The following PLCL1 variants were observed in gnomAD, a reference collection of about 807,000 sequenced individuals.
PLCL1 encodes the protein phospholipase C like 1 (inactive).
Under a neutral mutation model 84.4 loss-of-function variants are expected in PLCL1, and 41 were observed. That is an observed-to-expected ratio of 0.49 (90% CI 0.38 to 0.63). The LOEUF is 0.63. Among genes scored for constraint, PLCL1 ranks in the 30% least tolerant of loss-of-function variants. The pLI, the probability that PLCL1 is intolerant of heterozygous loss-of-function variation, is 0.00. For missense variants in PLCL1, 1,206 were observed against 1,367.8 expected (o/e 0.88, Z 1.87); for synonymous variants, 490 against 488.3 (o/e 1.00, Z -0.05).
At chr2:197,904,370 T>C (rs1318569298) in intron 1 of PLCL1, among the ~76,000 whole-genome samples, 1 of 152,214 alleles carries the variant, frequency 6.6e-6, no homozygotes, top group Non-Finnish European at 1.5e-5. Context: ...CATGTACTTG[T>C]ATTCTTTTTG....
At chr2:198,134,667 G>A (rs1026311745) in intron 5 of PLCL1, among the ~76,000 whole-genome samples, 1 of 152,134 alleles carries the variant, frequency 6.6e-6, no homozygotes, top group African/African-American at 2.4e-5. Flanking sequence ...AAGAATAAAT[G>A]TCCTTGGTAA....
chr2:197,929,839 C>CT (rs1249678066), intron 1 of PLCL1, among the ~76,000 whole-genome samples: 25 of 152,114 alleles, frequency 1.6e-4, no homozygotes, highest in African/African-American at 5.3e-4. Flanking sequence ...TTTATCTACT[C>CT]TATCAGTGTG....
At chr2:198,006,207 T>C (rs1690725572) in intron 1 of PLCL1, among the ~76,000 whole-genome samples, 1 of 152,210 alleles carries the variant, frequency 6.6e-6, no homozygotes, top group South Asian at 2.1e-4. Context: ...TGTGATGTTT[T>C]GATGCAGAAG....
chr2:197,998,603 C>T (rs563605365), intron 1 of PLCL1, among the ~76,000 whole-genome samples: 5 of 152,256 alleles, frequency 3.3e-5, no homozygotes, highest in African/African-American at 7.2e-5. Flanking sequence ...GGACTGATGA[C>T]GCTGCATCAG....
Position 198,045,895 on chromosome 2 carries a change from G to A in PLCL1, c.241-37863G>A, listed in dbSNP as rs376916351. ...AAGTGAGCCCTAACAGGGTACACAT[G>A]TACCATTTTATTTGACAGAGATCTT... On this transcript the variant is annotated intron_variant, in intron 1 of 5. Transcript: ENST00000428675. Among the ~76,000 whole-genome samples, 53 of 152,316 alleles carry A rather than the reference G, an allele frequency of 3.5e-4. 1 individual carries two copies. Among genetic ancestry groups the A allele is most frequent in the African/African-American group, 1.2e-3 (50 of 41,558 alleles).
intron 1 of PLCL1, among the ~76,000 whole-genome samples, chr2:197,912,951 TA>T (rs1334990429): frequency 1.2e-3 from 132 of 110,532 alleles, no homozygotes; most frequent in African/African-American, 3.0e-3. Context: ...TACAGTATAA[TA>T]AAAAAAAATT....
chr2:197,857,139 T>C (rs190190597), intron 1 of PLCL1, among the ~76,000 whole-genome samples: 1 of 151,934 alleles, frequency 6.6e-6, no homozygotes, highest in African/African-American at 2.4e-5. Flanking sequence ...GAACTTAAGA[T>C]AAAAGTTGGA....
chr2:197,931,647 T>TCCAACCAACCAA (rs1229606567), intron 1 of PLCL1, among the ~76,000 whole-genome samples: 1 of 145,818 alleles, frequency 6.9e-6, no homozygotes, highest in African/African-American at 2.6e-5. Context: ...CCTACAACCA[T>TCCAACCAACCAA]CCAACCAACC....
At chr2:197,978,825 G>A (rs149719250) in intron 1 of PLCL1, among the ~76,000 whole-genome samples, 1 of 152,246 alleles carries the variant, frequency 6.6e-6, no homozygotes, top group African/African-American at 2.4e-5. Context: ...ATGCAGACAC[G>A]CCAGTTCACC....
At chr2:197,843,621 C>T (rs1687060153) in intron 1 of PLCL1, among the ~76,000 whole-genome samples, 1 of 152,134 alleles carries the variant, frequency 6.6e-6, no homozygotes, top group Non-Finnish European at 1.5e-5. Flanking sequence ...CCTGAACTCA[C>T]TTTTGACTTA....
chr2:197,927,752 G>A (rs2105762551), intron 1 of PLCL1, among the ~76,000 whole-genome samples: 1 of 152,196 alleles, frequency 6.6e-6, no homozygotes, highest in South Asian at 2.1e-4. Flanking sequence ...ATTCAAGTGT[G>A]CATGGGTGAG....
chr2:197,966,649 C>G (rs1278342938), intron 1 of PLCL1, among the ~76,000 whole-genome samples: 1 of 152,128 alleles, frequency 6.6e-6, no homozygotes, highest in Non-Finnish European at 1.5e-5. Flanking sequence ...CAATTCAAGA[C>G]TGCCTTTCCT....
At chr2:197,911,489 T>A (rs1688484470) in intron 1 of PLCL1, among the ~76,000 whole-genome samples, 1 of 152,134 alleles carries the variant, frequency 6.6e-6, no homozygotes, top group Non-Finnish European at 1.5e-5. Flanking sequence ...AATAATCAGG[T>A]TTGCTTCAGA....
intron 1 of PLCL1, among the ~76,000 whole-genome samples, chr2:197,859,291 T>C (rs1187293411): frequency 6.6e-6 from 1 of 152,128 alleles, no homozygotes; most frequent in Non-Finnish European, 1.5e-5. Flanking sequence ...GAAGCTTCCA[T>C]GGAAGAAGAG....
At chr2:198,146,739 C>T (rs781129952) in intron 5 of PLCL1, 41 bp from the exon 6 acceptor site, 1 of 1,557,406 alleles carries the variant, frequency 6.4e-7, no homozygotes, top group South Asian at 1.2e-5. Context: ...ATGCCTGGCC[C>T]ATAACTGTCT....
At chr2:198,061,363 C>T (rs1692195189) in intron 1 of PLCL1, among the ~76,000 whole-genome samples, 1 of 152,056 alleles carries the variant, frequency 6.6e-6, no homozygotes, top group Non-Finnish European at 1.5e-5. Context: ...TATTGTTTTC[C>T]AGTGTGATTT....
intron 1 of PLCL1, among the ~76,000 whole-genome samples, chr2:197,853,714 T>C (rs1044254422): frequency 6.6e-6 from 1 of 152,132 alleles, no homozygotes; most frequent in Non-Finnish European, 1.5e-5. Context: ...CTGTAAGACT[T>C]GTTCAAGGGC....
At chr2:197,959,941 C>T (rs566805164) in intron 1 of PLCL1, among the ~76,000 whole-genome samples, 6 of 152,098 alleles carry the variant, frequency 3.9e-5, no homozygotes, top group African/African-American at 7.2e-5. Context: ...ATCCTTGCCT[C>T]CATAGCTACT....
intron 5 of PLCL1, among the ~76,000 whole-genome samples, chr2:198,128,991 CAG>C (rs1260504780): frequency 6.6e-6 from 1 of 152,176 alleles, no homozygotes; most frequent in Admixed American, 6.5e-5. Flanking sequence ...AAAATTAAAA[CAG>C]AGATCTTAAG....
Sources: allele counts gnomAD v4.1 joint callset (sites outside exome capture counted in the v4.1 genomes callset), GRCh38; gene constraint gnomAD v4.1.1; transcripts MANE v1.5; gene names NCBI Gene and HGNC (gene_info 2026-07-23, HGNC 2026-07-21).